ARHGAP15: variants seen among roughly 807,000 people sequenced by gnomAD.
The protein encoded by ARHGAP15 is rho GTPase-activating protein 15.
Under a neutral mutation model 63.7 loss-of-function variants are expected in ARHGAP15, and 51 were observed. The ratio of observed to expected loss-of-function variants is 0.80; its 90% CI spans 0.64 to 1.01. The LOEUF is 1.01. Ranked by LOEUF, ARHGAP15 falls within the 50% of genes least tolerant of loss-of-function variation. ARHGAP15 has a pLI of 0.00. For synonymous variants in ARHGAP15, 191 were observed against 193.8 expected (o/e 0.99, Z 0.12); for missense variants, 560 against 564.6 (o/e 0.99, Z 0.08).
At chr2:143,475,973 A>G (rs980194843) in intron 8 of ARHGAP15, among the ~76,000 whole-genome samples, 3 of 152,200 alleles carry the variant, frequency 2.0e-5, no homozygotes, top group African/African-American at 7.2e-5. Context: ...TAATTAAAGC[A>G]TTGTTGGAGT....
At chr2:143,163,303 C>T (rs1459054589) in intron 2 of ARHGAP15, among the ~76,000 whole-genome samples, 1 of 151,674 alleles carries the variant, frequency 6.6e-6, no homozygotes, top group African/African-American at 2.4e-5. Flanking sequence ...TTTTTGCAGG[C>T]CTCCATAATA....
At position 143,379,487 on chromosome 2, in the gene ARHGAP15, A is replaced by ATGTGTGTGTGTGTGTG. The variant is rs58976215; in HGVS notation, c.475-56084_475-56069dup. On this transcript the variant is annotated intron_variant, in intron 6 of 13. Coordinates refer to ENST00000295095, the MANE Select transcript of ARHGAP15 (RefSeq NM_018460.4). Reference sequence around the variant, plus strand: ...AACAAGGTGGTTTTTAGGCATATATATGTGTGTGTGTGTGTGTGTGTGTGT... The same window carrying ATGTGTGTGTGTGTGTG: ...AACAAGGTGGTTTTTAGGCATATATATGTGTGTGTGTGTGTGTGTGTGTGTGTGTGTGTGTGTGTGT... Among the ~76,000 whole-genome samples the ATGTGTGTGTGTGTGTG allele has an allele frequency of 7.6e-3, 982 of 129,808 alleles. 15 individuals carry two copies. The highest frequency in any genetic ancestry group is 0.012 in the Middle Eastern group (3 of 254). 85.2% of individuals were successfully genotyped at this position (129,808 alleles called of 152,430 possible).
chr2:143,606,681 A>G (rs1244435190), intron 11 of ARHGAP15: 1 of 152,212 alleles, frequency 6.6e-6, no homozygotes. Flanking sequence ...TGTTGTAAAG[A>G]AGTTTTTAAT....
At chr2:143,602,021 T>A (rs1697790014) in intron 11 of ARHGAP15, among the ~76,000 whole-genome samples, 1 of 152,036 alleles carries the variant, frequency 6.6e-6, no homozygotes, top group African/African-American at 2.4e-5. Flanking sequence ...CAGCTAGTCT[T>A]TTTTTTGGCA....
At chr2:143,277,592 G>A (rs559386754) in intron 6 of ARHGAP15, among the ~76,000 whole-genome samples, 6 of 151,972 alleles carry the variant, frequency 3.9e-5, no homozygotes, top group African/African-American at 1.4e-4. Context: ...TTTACTAAAT[G>A]CACCTATTTA....
At chr2:143,314,837 T>C (rs1683620910) in intron 6 of ARHGAP15, among the ~76,000 whole-genome samples, 1 of 147,906 alleles carries the variant, frequency 6.8e-6, no homozygotes, top group Non-Finnish European at 1.5e-5. Context: ...ATGAATGACA[T>C]CACAACGCAA....
chr2:143,179,724 CA>C (rs935595961), intron 2 of ARHGAP15, among the ~76,000 whole-genome samples: 1 of 152,002 alleles, frequency 6.6e-6, no homozygotes, highest in Admixed American at 6.6e-5. Flanking sequence ...CCTGTCTCTA[CA>C]AAAAATTAAA....
chr2:143,587,999 G>A (rs550820669), intron 11 of ARHGAP15, among the ~76,000 whole-genome samples: 9 of 152,092 alleles, frequency 5.9e-5, no homozygotes, highest in Non-Finnish European at 1.0e-4. Flanking sequence ...TCTGCTCAAG[G>A]ATAATCATTT....
At chr2:143,153,568 A>G (rs988249845) in intron 1 of ARHGAP15, among the ~76,000 whole-genome samples, 1 of 151,956 alleles carries the variant, frequency 6.6e-6, no homozygotes, top group Non-Finnish European at 1.5e-5. Flanking sequence ...TGTTTAAAGT[A>G]TACAATTTGT....
intron 4 of ARHGAP15, among the ~76,000 whole-genome samples, chr2:143,218,174 A>G (rs1692832385): frequency 6.6e-6 from 1 of 152,036 alleles, no homozygotes; most frequent in Non-Finnish European, 1.5e-5. Flanking sequence ...TTACAGTTAA[A>G]TTAATATAAA....
chr2:143,511,735 T>C (rs1421342168), intron 9 of ARHGAP15, among the ~76,000 whole-genome samples: 1 of 152,172 alleles, frequency 6.6e-6, no homozygotes, highest in East Asian at 1.9e-4. Context: ...TATTTTAAGA[T>C]AGAAGTTTCC....
intron 13 of ARHGAP15, among the ~76,000 whole-genome samples, chr2:143,732,694 C>T (rs1375791263): frequency 6.6e-6 from 1 of 151,104 alleles, no homozygotes; most frequent in Admixed American, 6.6e-5. Flanking sequence ...CAATGGAAAA[C>T]ATATGAGATT....
intron 12 of ARHGAP15, among the ~76,000 whole-genome samples, chr2:143,688,042 C>G (rs1683428463): frequency 1.3e-5 from 2 of 152,040 alleles, no homozygotes; most frequent in African/African-American, 4.8e-5. Context: ...ATTACTCTAA[C>G]AATAACCATG....
rs1457848713 is a variant in ARHGAP15 at position 143,315,046 on chromosome 2, CATATGAATACATT to C, written c.474+64447_474+64459del. ...GTATGTGGGTATCCACACATACATA[CATATGAATACATT>C]TTAGGGAGCCTATTTAATCCTTCAA... On this transcript the variant is annotated intron_variant, in intron 6 of 13. Transcript: ENST00000295095. Among the ~76,000 whole-genome samples, 5 of 152,146 alleles carry C rather than the reference CATATGAATACATT, an allele frequency of 3.3e-5. No homozygotes were observed. The East Asian group carries it at 5.8e-4, about 18-fold the overall frequency.
intron 13 of ARHGAP15, among the ~76,000 whole-genome samples, chr2:143,726,740 C>G (rs1685297190): frequency 6.6e-6 from 1 of 152,206 alleles, no homozygotes; most frequent in African/African-American, 2.4e-5. Context: ...CTTCTGAGAC[C>G]CACTTTTCCA....
rs186137788 is a variant in ARHGAP15 at position 143,471,195 on chromosome 2, C to T, written c.704-16178C>T. ...ATGAATATGTGTGTGTATATATACACACATATATGTGTGTATATATACACA... is the reference window on the plus strand; with the variant it reads ...ATGAATATGTGTGTGTATATATACATACATATATGTGTGTATATATACACA... On this transcript the variant is annotated intron_variant, in intron 8 of 13. Transcript: ENST00000295095. Among the ~76,000 whole-genome samples the T allele has an allele frequency of 3.3e-4, 46 of 140,110 alleles. No homozygotes were observed. In the East Asian group the frequency reaches 8.8e-3, roughly 27 times the overall value. The allele number at this position is 140,110 out of a possible 152,430, so 91.9% of individuals were successfully genotyped here.
chr2:143,703,492 C>A lies in ARHGAP15; in HGVS notation c.1212C>A (p.Asp404Glu). Reference sequence around the variant, plus strand: ...AAAAACTCCCTCCGCCAAATCGTGACACCATGAAAGTCCTCTTTGGACATC... The same window carrying A: ...AAAAACTCCCTCCGCCAAATCGTGAAACCATGAAAGTCCTCTTTGGACATC... ...LVQKLPPPNR[D>E]TMKVLFGHLT... Residue 404 changes from aspartate (D) to glutamate (E), a missense_variant, in exon 13 of 14, where the codon GAC (aspartate) becomes GAA (glutamate). Physicochemically the swap from Asp to Glu is conservative, Grantham distance 45 (BLOSUM62 2). Transcript: ENST00000295095. The A allele has an allele frequency of 1.2e-6, 2 of 1,612,696 alleles. No individual in the cohort carries two copies. The highest frequency in any genetic ancestry group is 1.7e-6 in the Non-Finnish European group (2 of 1,179,404).
At chr2:143,697,069 C>T (rs770502162) in intron 12 of ARHGAP15, among the ~76,000 whole-genome samples, 3 of 152,262 alleles carry the variant, frequency 2.0e-5, no homozygotes, top group Non-Finnish European at 4.4e-5. Flanking sequence ...GGGCTACGCT[C>T]AAGGCGGTGG....
chr2:143,446,325 A>G (rs1189006997), intron 8 of ARHGAP15, among the ~76,000 whole-genome samples: 1 of 151,946 alleles, frequency 6.6e-6, no homozygotes, highest in Non-Finnish European at 1.5e-5. Flanking sequence ...TAAAATAATC[A>G]TGACTTTTGT....
Sources: gnomAD v4.1 joint callset for allele counts (sites outside exome capture counted in the v4.1 genomes callset) on GRCh38, gnomAD v4.1.1 for gene constraint, MANE v1.5 for transcripts, NCBI Gene and HGNC (gene_info 2026-07-23, HGNC 2026-07-21) for gene names.